KANSL1L: variants seen among roughly 807,000 people sequenced by gnomAD.
KANSL1L encodes KAT8 regulatory NSL complex subunit 1 like.
Under a neutral mutation model 108.6 loss-of-function variants are expected in KANSL1L, and 25 were observed. The ratio of observed to expected loss-of-function variants is 0.23; its 90% CI spans 0.17 to 0.32. The LOEUF is 0.32. KANSL1L is among the 10% of genes least tolerant of loss of function. The pLI is 1.00. For missense variants in KANSL1L, 1,137 were observed against 1,125.7 expected (o/e 1.01, Z -0.14); for synonymous variants, 405 against 395.1 (o/e 1.03, Z -0.30).
intron 9 of KANSL1L, 152 bp downstream of exon 9, chr2:210,031,269 C>T (rs1166435531): frequency 2.3e-5 from 13 of 560,912 alleles, no homozygotes; most frequent in Middle Eastern, 4.7e-4. Context: ...AAATTAACTA[C>T]GAATATGCTG....
At chr2:210,123,920 T>C (rs1575577224) in intron 3 of KANSL1L, among the ~76,000 whole-genome samples, 1 of 152,244 alleles carries the variant, frequency 6.6e-6, no homozygotes, top group Admixed American at 6.5e-5. Flanking sequence ...GCTTTTCTTC[T>C]TTCAAAAAAC....
intron 6 of KANSL1L, among the ~76,000 whole-genome samples, chr2:210,070,838 A>C (rs1186168171): frequency 6.6e-6 from 1 of 152,150 alleles, no homozygotes; most frequent in Non-Finnish European, 1.5e-5. Context: ...TGTAATATGT[A>C]TTTTACCACA....
At chr2:210,028,599 A>G (rs2093971197) in intron 11 of KANSL1L, 3 of 334,080 alleles carry the variant, frequency 9.0e-6, no homozygotes, top group South Asian at 9.2e-5. Flanking sequence ...GATAATAATA[A>G]TAAAAAAGAC....
At chr2:210,090,830 G>GC (rs2125383692) in intron 5 of KANSL1L, among the ~76,000 whole-genome samples, 1 of 151,934 alleles carries the variant, frequency 6.6e-6, no homozygotes, top group Non-Finnish European at 1.5e-5. Context: ...ACCATGCCCA[G>GC]CCGTGTTATT....
chr2:210,028,776 C>A lies in KANSL1L; in HGVS notation c.2396+69G>T, dbSNP rs1006718026. ...GATGCTCCTTTCATTAATTAAAATT[C>A]TTCACTTTGAAAATTTAAGTTTATT... On this transcript the variant is annotated intron_variant, in intron 11 of 14. Transcript: ENST00000281772. The A allele has an allele frequency of 2.6e-6, 3 of 1,163,208 alleles. No homozygotes were observed. The Admixed American group carries it at 7.5e-5, about 29-fold the overall frequency. The allele number at this position is 1,163,208 out of a possible 1,614,324, so 72.1% of individuals were successfully genotyped here. A position where few individuals can be genotyped will look rare whatever the true frequency, so the allele number is the denominator to read the frequency against.
chr2:210,120,082 G>T (rs891425214), intron 3 of KANSL1L, among the ~76,000 whole-genome samples: 2 of 152,148 alleles, frequency 1.3e-5, no homozygotes, highest in Admixed American at 6.5e-5. Flanking sequence ...AATGGGGAAA[G>T]AATTCCCTAT....
chr2:210,152,274 T>C (rs558684408), intron 2 of KANSL1L: 1 of 152,294 alleles, frequency 6.6e-6, no homozygotes, highest in South Asian at 2.1e-4. Flanking sequence ...GAAAACTAAA[T>C]TAAAAATTAT....
chr2:210,114,950 G>A (rs2094940336), intron 3 of KANSL1L, among the ~76,000 whole-genome samples: 1 of 150,860 alleles, frequency 6.6e-6, no homozygotes, highest in Non-Finnish European at 1.5e-5. Flanking sequence ...ATATATAAAA[G>A]GAAATGAGAA....
At chr2:210,096,593 G>A (rs2094738079) in intron 5 of KANSL1L, 70 of 985,270 alleles carry the variant, frequency 7.1e-5, no homozygotes, top group Non-Finnish European at 8.4e-5. Context: ...AATGGGATTA[G>A]CCCCAAATCA....
At chr2:210,118,849 A>G (rs371424458) in intron 3 of KANSL1L, among the ~76,000 whole-genome samples, 101 of 104,388 alleles carry the variant, frequency 9.7e-4, no homozygotes, top group African/African-American at 4.3e-3. Flanking sequence ...GTCTCAAGAG[A>G]AAAAAAAAAA....
intron 5 of KANSL1L, among the ~76,000 whole-genome samples, chr2:210,085,355 G>A (rs1309006517): frequency 6.6e-6 from 1 of 152,118 alleles, no homozygotes; most frequent in Non-Finnish European, 1.5e-5. Flanking sequence ...CACAATAAGA[G>A]TAGATGGGGG....
intron 5 of KANSL1L, chr2:210,088,369 T>C (rs991021677): frequency 6.6e-6 from 1 of 152,240 alleles, no homozygotes; most frequent in African/African-American, 2.4e-5. Flanking sequence ...TCAGAAGAAT[T>C]GGCAGATATG....
intron 13 of KANSL1L, among the ~76,000 whole-genome samples, chr2:210,024,415 TGTG>T (rs2093906606): frequency 1.3e-5 from 2 of 152,162 alleles, no homozygotes; most frequent in Non-Finnish European, 2.9e-5. Flanking sequence ...TTATAACAGT[TGTG>T]GGGGGAGGGT....
At chr2:210,112,725 T>A (rs2094920480) in intron 3 of KANSL1L, among the ~76,000 whole-genome samples, 1 of 152,148 alleles carries the variant, frequency 6.6e-6, no homozygotes, top group South Asian at 2.1e-4. Flanking sequence ...AATTAGCATA[T>A]CCATCACCAC....
chr2:210,068,754 A>C (rs1020479111), intron 6 of KANSL1L, among the ~76,000 whole-genome samples: 2 of 152,184 alleles, frequency 1.3e-5, no homozygotes, highest in African/African-American at 2.4e-5. Flanking sequence ...TCAGGTATAA[A>C]ATTCTCAAAA....
At chr2:210,155,774 T>G (rs1004278727) in intron 1 of KANSL1L, among the ~76,000 whole-genome samples, 2 of 152,238 alleles carry the variant, frequency 1.3e-5, no homozygotes, top group Non-Finnish European at 2.9e-5. Context: ...TTATAAGCTT[T>G]TAAAGATACC....
intron 6 of KANSL1L, among the ~76,000 whole-genome samples, chr2:210,059,791 T>C (rs1460578253): frequency 6.6e-6 from 1 of 151,712 alleles, no homozygotes; most frequent in Non-Finnish European, 1.5e-5. Flanking sequence ...TTTTTTGAGA[T>C]AGTGCAATGG....
chr2:210,109,211 A>G, intron 3 of KANSL1L, among the ~76,000 whole-genome samples: 1 of 152,196 alleles, frequency 6.6e-6, no homozygotes, highest in East Asian at 1.9e-4. Flanking sequence ...AAAAACAGGT[A>G]TTACCGAATA....
At chr2:210,080,692 A>G (rs1360203303) in intron 5 of KANSL1L, among the ~76,000 whole-genome samples, 1 of 152,210 alleles carries the variant, frequency 6.6e-6, no homozygotes, top group Non-Finnish European at 1.5e-5. Flanking sequence ...CTATAGTTCA[A>G]CAACATATAG....
Sources: gnomAD v4.1 joint callset for allele counts (sites outside exome capture counted in the v4.1 genomes callset) on GRCh38, gnomAD v4.1.1 for gene constraint, MANE v1.5 for transcripts, NCBI Gene and HGNC (gene_info 2026-07-23, HGNC 2026-07-21) for gene names.